NEK9: variants seen among roughly 807,000 people sequenced by gnomAD.
NEK9 encodes the protein NIMA related kinase 9, also known as serine/threonine-protein kinase Nek9.
A neutral mutation model predicts 123.4 loss-of-function variants in NEK9; 75 were observed. The observed-to-expected ratio is 0.61, with a 90% CI of 0.50 to 0.74. The LOEUF (loss-of-function observed/expected upper bound fraction) is 0.74. Among genes scored for constraint, NEK9 ranks in the 30% least tolerant of loss-of-function variants. NEK9 has a pLI of 0.00. For missense variants in NEK9, 952 were observed against 1,214.4 expected (o/e 0.78, Z 3.21); for synonymous variants, 438 against 458.7 (o/e 0.95, Z 0.58).
At chr14:75,118,373 G>A (rs1335752658) in intron 5 of NEK9, among the ~76,000 whole-genome samples, 2 of 152,112 alleles carry the variant, frequency 1.3e-5, no homozygotes, top group Non-Finnish European at 2.9e-5. Context: ...TCAAAATCAT[G>A]TGAGAAGGGA....
intron 18 of NEK9, among the ~76,000 whole-genome samples, chr14:75,092,698 T>C (rs968282194): frequency 6.6e-6 from 1 of 152,214 alleles, no homozygotes; most frequent in Non-Finnish European, 1.5e-5. Flanking sequence ...AGCTGATGTG[T>C]GGTCAGGAAA....
chr14:75,126,957 A>T lies in NEK9; in HGVS notation c.-36T>A. On this transcript the variant is annotated 5_prime_UTR_variant, in exon 1 of 22. Coordinates refer to ENST00000238616, the MANE Select transcript of NEK9 (RefSeq NM_033116.6). ...GCGGGCCTTGGGGACCAGCCTGCGT[A>T]TGCCCGGAGGCCCTGGCCGCGCTGC... 7.1e-7 allele frequency: 1 copy of T among 1,411,650 alleles called. No homozygotes were observed. The highest frequency in any genetic ancestry group is 1.5e-5 in the South Asian group (1 of 68,444). The allele number at this position is 1,411,650 out of a possible 1,614,324, so 87.4% of individuals were successfully genotyped here.
intron 8 of NEK9, among the ~76,000 whole-genome samples, chr14:75,112,652 G>A (rs573058951): frequency 1.4e-4 from 22 of 152,198 alleles, no homozygotes; most frequent in East Asian, 1.9e-4. Context: ...GTGAGACCCC[G>A]TCTCTATAAA....
chr14:75,118,691 A>C (rs979417991), intron 5 of NEK9, 139 bp downstream of exon 5: 1 of 615,372 alleles, frequency 1.6e-6, no homozygotes, highest in Non-Finnish European at 2.8e-6. Flanking sequence ...GGGCCCAGGA[A>C]AAAGACTTCT....
At chr14:75,087,658 G>C (rs4903281) in intron 20 of NEK9, among the ~76,000 whole-genome samples, 65,887 of 152,140 alleles carry the variant, frequency 0.43, 15,949 homozygotes, top group East Asian at 0.84. Context: ...CAGTAAACAG[G>C]ACCACCAACA....
intron 2 of NEK9, 151 bp from the exon 3 acceptor site, chr14:75,121,325 A>G (rs1895326244): frequency 1.7e-6 from 1 of 585,826 alleles, no homozygotes. Flanking sequence ...ATGGGCACAA[A>G]ACTCTTCCCA....
chr14:75,105,035 G>C (rs1184008246), intron 13 of NEK9, among the ~76,000 whole-genome samples: 1 of 152,134 alleles, frequency 6.6e-6, no homozygotes, highest in African/African-American at 2.4e-5. Context: ...TTATAGGAGA[G>C]GTGACAGAGT....
chr14:75,126,470 A>G (rs1384421291), intron 1 of NEK9, among the ~76,000 whole-genome samples: 1 of 152,264 alleles, frequency 6.6e-6, no homozygotes, highest in Non-Finnish European at 1.5e-5. Context: ...TGGGGAAACT[A>G]AAGCTCAAGA....
At chr14:75,096,394 T>C (rs1450896610) in intron 17 of NEK9, among the ~76,000 whole-genome samples, 1 of 152,110 alleles carries the variant, frequency 6.6e-6, no homozygotes, top group African/African-American at 2.4e-5. Flanking sequence ...ATTTATAAAG[T>C]AGTTCCTAAC....
In NEK9 at chr14:75,082,877, T is replaced by C. The variant is rs1893908399; in HGVS notation, c.*1687A>G. 2 of 398,024 alleles carry C rather than the reference T, an allele frequency of 5.0e-6. No individual in the cohort carries two copies. Among genetic ancestry groups the C allele is most frequent in the East Asian group, 3.6e-5 (1 of 28,088 alleles). 24.7% of individuals were successfully genotyped at this position (398,024 alleles called of 1,614,324 possible). Reference sequence around the variant, plus strand: ...CGCAAGTCCCCAGAACTTGCAACTTTAATCAAAGTTTGGCTGCTTCCCTTA... The same window carrying C: ...CGCAAGTCCCCAGAACTTGCAACTTCAATCAAAGTTTGGCTGCTTCCCTTA... On this transcript the variant is annotated 3_prime_UTR_variant, in exon 22 of 22. Coordinates refer to ENST00000238616, the MANE Select transcript of NEK9 (RefSeq NM_033116.6).
chr14:75,086,883 C>T (rs1284696174), intron 21 of NEK9, 135 bp downstream of exon 21: 16 of 883,762 alleles, frequency 1.8e-5, no homozygotes, highest in Non-Finnish European at 2.8e-5. Flanking sequence ...TCTGGCCTGG[C>T]AACAGAGCGA....
chr14:75,119,637 A>G (rs1349303980), intron 4 of NEK9, among the ~76,000 whole-genome samples: 1 of 152,226 alleles, frequency 6.6e-6, no homozygotes, highest in East Asian at 1.9e-4. Flanking sequence ...GGCAACTTTA[A>G]CAAACTTGGT....
At chr14:75,101,896 C>T in intron 14 of NEK9, 131 bp from the exon 15 acceptor site, 1 of 596,802 alleles carries the variant, frequency 1.7e-6, no homozygotes, top group South Asian at 2.3e-5. Context: ...AAGAGGGTGC[C>T]AGGTAGTTTT....
chr14:75,125,056 G>A (rs1032546349), intron 1 of NEK9, among the ~76,000 whole-genome samples: 1 of 151,586 alleles, frequency 6.6e-6, no homozygotes, highest in African/African-American at 2.4e-5. Context: ...TTATAGGCAT[G>A]AGCCACTGTG....
At chr14:75,111,215 C>T (rs751302506) in intron 8 of NEK9, among the ~76,000 whole-genome samples, 17 of 152,268 alleles carry the variant, frequency 1.1e-4, no homozygotes, top group Non-Finnish European at 2.2e-4. Context: ...GATTTCCTAC[C>T]TATTTTTCCA....
chr14:75,096,374 T>A (rs1894385240), intron 17 of NEK9, among the ~76,000 whole-genome samples: 1 of 151,512 alleles, frequency 6.6e-6, no homozygotes, highest in South Asian at 2.1e-4. Flanking sequence ...TTATAAACCC[T>A]TACACAGGCA....
chr14:75,106,340 CAG>C, intron 12 of NEK9, 160 bp downstream of exon 12: 2 of 594,326 alleles, frequency 3.4e-6, no homozygotes, highest in Non-Finnish European at 5.4e-6. Context: ...GCCTGGGTGA[CAG>C]AGAGAGACTC....
chr14:75,092,035 A>C (rs1894234343), intron 18 of NEK9, among the ~76,000 whole-genome samples: 1 of 152,038 alleles, frequency 6.6e-6, no homozygotes. Flanking sequence ...GCTGGAGTGC[A>C]GTGGCCCGAT....
Position 75,097,285 on chromosome 14 carries a change from A to T in NEK9, c.2003-15T>A. ...AATGTGATTATCTAGGAAAAAAGTT[A>T]AACAGTAGACCATTTAACAGAACAC... On this transcript the variant is annotated splice_polypyrimidine_tract_variant and intron_variant, in intron 16 of 21. Transcript: ENST00000238616. The T allele has an allele frequency of 6.3e-7, 1 of 1,587,362 alleles. No individual in the cohort carries two copies. Among genetic ancestry groups the T allele is most frequent in the Non-Finnish European group, 8.6e-7 (1 of 1,166,134 alleles).
Sources: gnomAD v4.1 joint callset for allele counts (sites outside exome capture counted in the v4.1 genomes callset) on GRCh38, gnomAD v4.1.1 for gene constraint, MANE v1.5 for transcripts, NCBI Gene and HGNC (gene_info 2026-07-23, HGNC 2026-07-21) for gene names.